KIF5B: variants seen among roughly 807,000 people sequenced by gnomAD.
KIF5B encodes kinesin-1 heavy chain.
KIF5B carries 49 observed loss-of-function variants against 132.8 expected under a neutral mutation model. That is an observed-to-expected ratio of 0.37 (90% CI 0.29 to 0.47). The LOEUF (loss-of-function observed/expected upper bound fraction) is 0.47. Among genes scored for constraint, KIF5B ranks in the 20% least tolerant of loss-of-function variants. The pLI is 1.00. For synonymous variants in KIF5B, 355 were observed against 369.4 expected (o/e 0.96, Z 0.45); for missense variants, 780 against 1,144.0 (o/e 0.68, Z 4.59).
intron 1 of KIF5B, among the ~76,000 whole-genome samples, chr10:32,051,212 C>T (rs147687552): frequency 4.6e-4 from 70 of 152,316 alleles, no homozygotes; most frequent in African/African-American, 1.3e-3. Flanking sequence ...GCATGTGCCA[C>T]CACGCCTGGC....
intron 4 of KIF5B, 63 bp from the exon 5 acceptor site, chr10:32,038,889 G>T: frequency 1.0e-6 from 1 of 979,842 alleles, no homozygotes; most frequent in South Asian, 1.4e-5. Context: ...CGCATATTGA[G>T]GTCTGAGTGC....
intron 5 of KIF5B, 55 bp downstream of exon 5, chr10:32,038,723 T>C (rs1360763150): frequency 1.0e-6 from 1 of 985,090 alleles, no homozygotes; most frequent in East Asian, 2.5e-5. Flanking sequence ...ACATCTATTA[T>C]TAAAAAGGAA....
At chr10:32,014,840 AG>A (rs1485172372) in intron 25 of KIF5B, among the ~76,000 whole-genome samples, 1 of 152,174 alleles carries the variant, frequency 6.6e-6, no homozygotes. Context: ...GAGATGTTTC[AG>A]GTCGGGCGCG....
intron 2 of KIF5B, among the ~76,000 whole-genome samples, chr10:32,041,172 A>T (rs1186558085): frequency 6.7e-6 from 1 of 150,304 alleles, no homozygotes; most frequent in Non-Finnish European, 1.5e-5. Context: ...AACCAAAATT[A>T]TTTGTGGAAA....
At chr10:32,050,609 T>C (rs1159180898) in intron 1 of KIF5B, among the ~76,000 whole-genome samples, 1 of 152,224 alleles carries the variant, frequency 6.6e-6, no homozygotes, top group African/African-American at 2.4e-5. Flanking sequence ...CATCCTCTTA[T>C]TTATTTAAGC....
chr10:32,048,605 C>A, intron 1 of KIF5B, 54 bp from the exon 2 acceptor site: 1 of 1,256,240 alleles, frequency 8.0e-7, no homozygotes, highest in South Asian at 1.2e-5. Flanking sequence ...ATGAACATTT[C>A]TAACCTTTAC....
intron 4 of KIF5B, 105 bp downstream of exon 4, chr10:32,039,222 T>C: frequency 1.8e-6 from 1 of 562,480 alleles, no homozygotes; most frequent in Non-Finnish European, 3.1e-6. Flanking sequence ...AACTGTACCT[T>C]TCCAGAAAAA....
intron 1 of KIF5B, among the ~76,000 whole-genome samples, chr10:32,054,416 T>C (rs1841728614): frequency 6.6e-6 from 1 of 152,220 alleles, no homozygotes; most frequent in South Asian, 2.1e-4. Context: ...AGTTGGCAAT[T>C]GTTAGTGGCC....
chr10:32,045,448 T>C (rs1488678072), intron 2 of KIF5B, among the ~76,000 whole-genome samples: 1 of 152,110 alleles, frequency 6.6e-6, no homozygotes, highest in Non-Finnish European at 1.5e-5. Flanking sequence ...AGAATAAACA[T>C]TGTTGAAAGG....
At chr10:32,033,745 C>G (rs1368817326) in intron 12 of KIF5B, 100 bp downstream of exon 12, 1 of 684,338 alleles carries the variant, frequency 1.5e-6, no homozygotes, top group Non-Finnish European at 2.4e-6. Context: ...CATAAAGATC[C>G]TAAGTGCCCA....
chr10:32,036,587 T>G (rs1043066106), intron 8 of KIF5B, among the ~76,000 whole-genome samples: 1 of 152,200 alleles, frequency 6.6e-6, no homozygotes, highest in Non-Finnish European at 1.5e-5. Flanking sequence ...GCCCAGCTAG[T>G]ATCTATGTTA....
At chr10:32,029,948 CAT>C (rs766828487) in intron 14 of KIF5B, among the ~76,000 whole-genome samples, 74 of 152,294 alleles carry the variant, frequency 4.9e-4, no homozygotes, top group Non-Finnish European at 8.2e-4. Flanking sequence ...AAAAGGAACT[CAT>C]AGGGGCAGGA....
intron 17 of KIF5B, 131 bp downstream of exon 17, chr10:32,022,009 A>G (rs966500498): frequency 4.5e-5 from 26 of 583,622 alleles, no homozygotes; most frequent in Non-Finnish European, 7.0e-5. Context: ...AGCAACATTA[A>G]TATGTATGAT....
chr10:32,015,242 A>G (rs1841142909), intron 25 of KIF5B, among the ~76,000 whole-genome samples: 1 of 152,228 alleles, frequency 6.6e-6, no homozygotes, highest in East Asian at 1.9e-4. Context: ...AAAGGAAAGG[A>G]ATGTTTATAA....
chr10:32,056,314 C>A lies in KIF5B; in HGVS notation c.-341G>T. The stretch of plus-strand genomic sequence containing the variant: ...GAGGTTCTGGGGACCGGGAGAGTGG[C>A]CACCTTCTTCCTCCTCGCGAAGAGC... On this transcript the variant is annotated 5_prime_UTR_variant, in exon 1 of 26. Coordinates refer to ENST00000302418, the MANE Select transcript of KIF5B (RefSeq NM_004521.3). The A allele has an allele frequency of 3.5e-6, 1 of 286,870 alleles. No individual in the cohort carries two copies. The highest frequency in any genetic ancestry group is 6.6e-6 in the Non-Finnish European group (1 of 151,742). The allele number at this position is 286,870 out of a possible 1,614,324, so 17.8% of individuals were successfully genotyped here. A position where few individuals can be genotyped will look rare whatever the true frequency, so the allele number is the denominator to read the frequency against.
chr10:32,015,857 C>T (rs747004320), intron 24 of KIF5B, among the ~76,000 whole-genome samples, 198 bp from the exon 25 acceptor site: 11 of 152,138 alleles, frequency 7.2e-5, no homozygotes, highest in Non-Finnish European at 1.6e-4. Context: ...TAAAAATCTT[C>T]CTGGCCAGGC....
In KIF5B at chr10:32,034,845, G is replaced by T; in HGVS notation, c.963-7C>A. 1 of 1,558,122 alleles carries T rather than the reference G, an allele frequency of 6.4e-7. No homozygotes were observed. Among genetic ancestry groups the T allele is most frequent in the South Asian group, 1.2e-5 (1 of 80,864 alleles). The stretch of plus-strand genomic sequence containing the variant: ...GTTCTTAATTGTTTTGGCCCTAAGA[G>T]ATGTAATTGGAGGAAAAAAAGGATG... On this transcript the variant is annotated splice_region_variant and splice_polypyrimidine_tract_variant and intron_variant, in intron 10 of 25. Transcript: ENST00000302418.
chr10:32,040,658 C>CACACACACACACA, intron 2 of KIF5B, among the ~76,000 whole-genome samples: 1 of 95,288 alleles, frequency 1.0e-5, no homozygotes, highest in Admixed American at 1.0e-4. Context: ...CACACACACA[C>CACACACACACACA]CCTCTTCCTA....
chr10:32,055,767 T>C, intron 1 of KIF5B, 81 bp downstream of exon 1: 6 of 1,552,562 alleles, frequency 3.9e-6, no homozygotes, highest in Non-Finnish European at 4.4e-6. Context: ...CTTTCAATTC[T>C]GCACCCTGCC....
Sources: allele counts gnomAD v4.1 joint callset (sites outside exome capture counted in the v4.1 genomes callset), GRCh38; gene constraint gnomAD v4.1.1; transcripts MANE v1.5; gene names NCBI Gene and HGNC (gene_info 2026-07-23, HGNC 2026-07-21).